Variants in EIF3A observed in about 807,000 individuals in gnomAD.
EIF3A encodes EIF3, p180 subunit.
A neutral mutation model predicts 186.6 loss-of-function variants in EIF3A; 21 were observed. The observed-to-expected ratio is 0.11, with a 90% CI of 0.08 to 0.16. The LOEUF is 0.16. EIF3A is among the 10% of genes least tolerant of loss of function. The pLI is 1.00. For missense variants in EIF3A, 1,306 were observed against 1,796.3 expected, an observed-to-expected ratio of 0.73 and a Z score of 4.93; for synonymous variants, 563 against 584.3, an observed-to-expected ratio of 0.96 and a Z score of 0.52.
chr10:119,073,376 G>T, intron 3 of EIF3A, 65 bp downstream of exon 3: 2 of 1,188,016 alleles, frequency 1.7e-6, no homozygotes, highest in Non-Finnish European at 2.4e-6. Context: ...AGGAAATGAA[G>T]ACCCATGTAA....
chr10:119,048,160 C>T (rs1287485234), intron 17 of EIF3A, among the ~76,000 whole-genome samples: 1 of 151,884 alleles, frequency 6.6e-6, no homozygotes, highest in Non-Finnish European at 1.5e-5. Context: ...TGAGTACCAA[C>T]CAATGAAAGG....
chr10:119,069,699 G>GA (rs763893545), intron 5 of EIF3A, 45 bp from the exon 6 acceptor site: 9 of 935,840 alleles, frequency 9.6e-6, no homozygotes, highest in Admixed American at 2.0e-5. Context: ...TCTATAACAC[G>GA]AAAAAAATCT....
rs1843788859 is a variant in EIF3A at position 119,056,650 on chromosome 10, C to T, written c.2196+90G>A. 7.0e-6 allele frequency: 6 copies of T among 855,094 alleles called. No individual in the cohort carries two copies. The South Asian group carries it at 9.3e-5, about 13-fold the overall frequency. 53.0% of individuals were successfully genotyped at this position (855,094 alleles called of 1,614,324 possible). On this transcript the variant is annotated intron_variant, in intron 14 of 21. Coordinates refer to ENST00000369144, the MANE Select transcript of EIF3A (RefSeq NM_003750.4). The stretch of plus-strand genomic sequence containing the variant: ...GAGCACCATTTCTAGCAGAAGAATA[C>T]AAAATAAAGCAATTCTGAATCCTTG...
In EIF3A at chr10:119,059,335, T is replaced by C. The variant is rs768384983; in HGVS notation, c.1506A>G (p.Arg502=). The change falls in exon 11 of 22, where the codon CGA becomes CGG. Residue 502 remains arginine (R), a synonymous_variant. Coordinates refer to ENST00000369144, the MANE Select transcript of EIF3A (RefSeq NM_003750.4). ...AATGAGGACCAATCGGAGCATCTTC[T>C]CGAGTAGCATAATTCAAATCAGATC... is the stretch of plus-strand genomic sequence containing the variant. ...SFGSDLNYAT[R]EDAPIGPHLQ... 6.2e-7 allele frequency: 1 copy of C among 1,612,864 alleles called. No homozygotes were observed. The highest frequency in any genetic ancestry group is 1.1e-5 in the South Asian group (1 of 90,832).
At chr10:119,049,535 T>C (rs1848327821) in intron 17 of EIF3A, among the ~76,000 whole-genome samples, 3 of 145,192 alleles carry the variant, frequency 2.1e-5, no homozygotes, top group African/African-American at 7.7e-5. Context: ...AAATAACTGA[T>C]TTAAATACAT....
At chr10:119,064,523 C>G (rs1843940952) in intron 7 of EIF3A, among the ~76,000 whole-genome samples, 1 of 152,084 alleles carries the variant, frequency 6.6e-6, no homozygotes, top group Admixed American at 6.5e-5. Flanking sequence ...TGGTACCTTC[C>G]CCCTCTGTCT....
chr10:119,058,550 C>T (rs1353418833), intron 11 of EIF3A, among the ~76,000 whole-genome samples: 1 of 152,186 alleles, frequency 6.6e-6, no homozygotes, highest in Non-Finnish European at 1.5e-5. Context: ...TTCTCTGCAC[C>T]AAACCTACCT....
intron 14 of EIF3A, among the ~76,000 whole-genome samples, chr10:119,055,192 A>G (rs1415265881): frequency 1.3e-5 from 2 of 152,254 alleles, no homozygotes; most frequent in Admixed American, 1.3e-4. Context: ...CCTGGGCGAC[A>G]GAATGAAACT....
Position 119,059,610 on chromosome 10 carries a change from C to G in EIF3A, c.1435G>C (p.Asp479His). The G allele has an allele frequency of 6.2e-7, 1 of 1,613,214 alleles. No individual in the cohort carries two copies. Among genetic ancestry groups the G allele is most frequent in the Non-Finnish European group, 8.5e-7 (1 of 1,179,172 alleles). ...RAIVDAARHC[D>H]LQVRIDHTSR... ...TTACAGCACATACCTACCTGCAAGT[C>G]GCAATGCCTGGCTGCATCTACTATG... is the stretch of plus-strand genomic sequence containing the variant. The change falls in exon 10 of 22, where the codon GAC becomes CAC. Residue 479 changes from aspartate (D) to histidine (H), a missense_variant. Coordinates refer to ENST00000369144, the MANE Select transcript of EIF3A (RefSeq NM_003750.4).
chr10:119,058,019 C>T lies in EIF3A; in HGVS notation c.1914G>A (p.Glu638=). The T allele has an allele frequency of 6.2e-7, 1 of 1,614,246 alleles. No homozygotes were observed. The highest frequency in any genetic ancestry group is 8.5e-7 in the Non-Finnish European group (1 of 1,180,048). The part of the protein sequence containing the change: ...HEQIKKKTVR[E]RLEQIKKTEL... ...CTGTTTTCTTGATCTGCTCCAAACGCTCTCGGACAGTTTTCTTTTTGATTT... is the reference window on the plus strand; with the variant it reads ...CTGTTTTCTTGATCTGCTCCAAACGTTCTCGGACAGTTTTCTTTTTGATTT... Residue 638 remains glutamate, a synonymous_variant, in exon 12 of 22, where the codon GAG becomes GAA. Coordinates refer to ENST00000369144, the MANE Select transcript of EIF3A (RefSeq NM_003750.4).
rs575308953 is a variant in EIF3A, at chr10:119,037,907, ATTTTTTTTTTTTT to A, written c.3728+318_3728+330del. ...CTCCATTTTCTTACTTTAAGAGGGAATTTTTTTTTTTTTTTTTTTTTTTTTTGAGACGGAGTTT... is the reference window on the plus strand; with the variant it reads ...CTCCATTTTCTTACTTTAAGAGGGAATTTTTTTTTTTTTGAGACGGAGTTT... On this transcript the variant is annotated intron_variant, in intron 20 of 21. Coordinates refer to ENST00000369144, the MANE Select transcript of EIF3A (RefSeq NM_003750.4). Among the ~76,000 whole-genome samples, 3 of 93,150 alleles carry A rather than the reference ATTTTTTTTTTTTT, an allele frequency of 3.2e-5. No individual in the cohort carries two copies. In the South Asian group the frequency reaches 1.3e-3, roughly 41 times the overall value. The allele number at this position is 93,150 out of a possible 152,430, so 61.1% of individuals were successfully genotyped here. A position where few individuals can be genotyped will look rare whatever the true frequency, so the allele number is the denominator to read the frequency against.
In EIF3A at chr10:119,035,984, C is replaced by G. The variant is rs1475487080; in HGVS notation, c.*55G>C. On this transcript the variant is annotated 3_prime_UTR_variant, in exon 22 of 22. Transcript: ENST00000369144. ...TGGTTGAAGCACAAGTATAATAATC[C>G]TTGAATGTGATCAAACCTATTTAAG... 1 of 1,340,434 alleles carries G rather than the reference C, an allele frequency of 7.5e-7. No homozygotes were observed. The highest frequency in any genetic ancestry group is 2.3e-5 in the East Asian group (1 of 43,490). 83.0% of individuals were successfully genotyped at this position (1,340,434 alleles called of 1,614,324 possible). A position where few individuals can be genotyped will look rare whatever the true frequency, so the allele number is the denominator to read the frequency against.
At chr10:119,060,263 C>G (rs941895928) in intron 9 of EIF3A, 3 of 437,472 alleles carry the variant, frequency 6.9e-6, no homozygotes, top group African/African-American at 6.3e-5. Flanking sequence ...GTCTCATTCA[C>G]TCATGGTGGG....
intron 6 of EIF3A, among the ~76,000 whole-genome samples, chr10:119,067,817 T>C (rs1261778405): frequency 1.4e-5 from 2 of 146,744 alleles, no homozygotes; most frequent in African/African-American, 4.9e-5. Flanking sequence ...TCCAATAGCA[T>C]TTTTTTTTTT....
intron 1 of EIF3A, among the ~76,000 whole-genome samples, chr10:119,074,231 C>G (rs550176471): frequency 6.6e-6 from 1 of 152,060 alleles, no homozygotes; most frequent in East Asian, 1.9e-4. Flanking sequence ...TTTGAGAGGC[C>G]GAGGTGGGCC....
intron 1 of EIF3A, among the ~76,000 whole-genome samples, chr10:119,079,174 T>C (rs899031434): frequency 6.6e-6 from 1 of 152,208 alleles, no homozygotes; most frequent in Non-Finnish European, 1.5e-5. Context: ...GCTTGTCTGT[T>C]CTAACCATTA....
At chr10:119,048,689 T>C (rs962149013) in intron 17 of EIF3A, among the ~76,000 whole-genome samples, 1 of 151,528 alleles carries the variant, frequency 6.6e-6, no homozygotes, top group African/African-American at 2.4e-5. Context: ...TTTTTTCCCC[T>C]GAGACAGAGT....
rs927862466 is a variant in EIF3A at position 119,061,023 on chromosome 10, A to T, written c.1228-179T>A. On this transcript the variant is annotated intron_variant, in intron 8 of 21. Transcript: ENST00000369144. ...ACTGGCAGCAATGGCTAAATTAGTCATGCTGCTAATTAACCTCCAAAGGTT... is the reference window on the plus strand; with the variant it reads ...ACTGGCAGCAATGGCTAAATTAGTCTTGCTGCTAATTAACCTCCAAAGGTT... The T allele has an allele frequency of 6.9e-6, 4 of 578,762 alleles. No homozygotes were observed. The African/African-American group carries it at 7.7e-5, about 11-fold the overall frequency. The allele number at this position is 578,762 out of a possible 1,614,324, so 35.9% of individuals were successfully genotyped here.
intron 17 of EIF3A, among the ~76,000 whole-genome samples, chr10:119,048,452 T>C (rs1174565284): frequency 6.6e-6 from 1 of 152,116 alleles, no homozygotes. Flanking sequence ...CACAGGTCCG[T>C]TTTGAACCTG....
Sources: gnomAD v4.1 joint callset for allele counts (sites outside exome capture counted in the v4.1 genomes callset) on GRCh38, gnomAD v4.1.1 for gene constraint, MANE v1.5 for transcripts, NCBI Gene and HGNC (gene_info 2026-07-23, HGNC 2026-07-21) for gene names.